Variants in LNX1 observed in about 807,000 individuals in gnomAD.
LNX1 encodes E3 ubiquitin-protein ligase LNX.
Under a neutral mutation model 68.4 loss-of-function variants are expected in LNX1, and 54 were observed. The ratio of observed to expected loss-of-function variants is 0.79; its 90% CI spans 0.63 to 0.99. The LOEUF is 0.99. Among genes scored for constraint, LNX1 ranks in the 50% least tolerant of loss-of-function variants. The probability of loss-of-function intolerance (pLI) is 0.00; values close to 1 mark genes in which losing one functional copy is unlikely to be tolerated. For synonymous variants in LNX1, 336 were observed against 350.0 expected, an observed-to-expected ratio of 0.96 and a Z score of 0.45; for missense variants, 906 against 926.4, an observed-to-expected ratio of 0.98 and a Z score of 0.29.
At chr4:53,551,344 A>G (rs1270144464) in intron 2 of LNX1, among the ~76,000 whole-genome samples, 2 of 152,168 alleles carry the variant, frequency 1.3e-5, no homozygotes, top group Non-Finnish European at 2.9e-5. Context: ...TCTCTCTAAA[A>G]TAATCATTGG....
chr4:53,643,085 C>CAGCT (rs1438750658), intron 1 of LNX1, among the ~76,000 whole-genome samples: 5 of 152,126 alleles, frequency 3.3e-5, no homozygotes, highest in African/African-American at 4.8e-5. Flanking sequence ...ATGCACAAGG[C>CAGCT]AGCTGCCCAC....
At chr4:53,463,957 A>AAAAT (rs1722432237) in intron 9 of LNX1, among the ~76,000 whole-genome samples, 1 of 152,144 alleles carries the variant, frequency 6.6e-6, no homozygotes, top group African/African-American at 2.4e-5. Context: ...CACTGTTTAG[A>AAAAT]AAATAATAAA....
chr4:53,497,186 G>A (rs1725128991), intron 5 of LNX1, among the ~76,000 whole-genome samples: 1 of 152,206 alleles, frequency 6.6e-6, no homozygotes. Flanking sequence ...ATGATGTGTA[G>A]GGCTGATACT....
chr4:53,490,799 T>C (rs1263785849), intron 6 of LNX1, among the ~76,000 whole-genome samples: 1 of 152,226 alleles, frequency 6.6e-6, no homozygotes, highest in Non-Finnish European at 1.5e-5. Flanking sequence ...CTCAGCCTGG[T>C]GTGTGTTACA....
At chr4:53,488,908 C>T (rs1265159087) in intron 6 of LNX1, among the ~76,000 whole-genome samples, 1 of 152,166 alleles carries the variant, frequency 6.6e-6, no homozygotes, top group African/African-American at 2.4e-5. Flanking sequence ...AACCCTTCCC[C>T]TTCCCTTCCT....
rs1451569419 is a variant in LNX1 at position 53,459,797 on chromosome 4, A to AAAC, written c.*1107_*1109dup. 4 of 317,120 alleles carry AAAC rather than the reference A, an allele frequency of 1.3e-5. No individual in the cohort carries two copies. In the East Asian group the frequency reaches 2.1e-4, roughly 17 times the overall value. The allele number at this position is 317,120 out of a possible 1,614,324, so 19.6% of individuals were successfully genotyped here. A position where few individuals can be genotyped will look rare whatever the true frequency, so the allele number is the denominator to read the frequency against. On this transcript the variant is annotated 3_prime_UTR_variant, in exon 11 of 11. Transcript: ENST00000263925. ...TTGGGCCACAGTTTTTTTGTTAATC[A>AAAC]AACACCACTCTCTTAAGAGGCTGCA... is the stretch of plus-strand genomic sequence containing the variant.
intron 2 of LNX1, among the ~76,000 whole-genome samples, chr4:53,559,017 T>A (rs4864795): frequency 6.6e-6 from 1 of 152,032 alleles, no homozygotes; most frequent in African/African-American, 2.4e-5. Context: ...TTCAAGAAGA[T>A]TAAATTCCAT....
upstream of LNX1, among the ~76,000 whole-genome samples, chr4:53,593,224 G>T (rs988953218): frequency 6.6e-5 from 10 of 151,876 alleles, no homozygotes; most frequent in African/African-American, 2.4e-4. Context: ...ACGCGGACAG[G>T]GTGTCCCCTG....
intron 6 of LNX1, among the ~76,000 whole-genome samples, chr4:53,487,250 C>T (rs749565892): frequency 1.4e-4 from 21 of 152,194 alleles, no homozygotes; most frequent in Non-Finnish European, 2.9e-4. Context: ...CATACAGTGA[C>T]TATGAGGGCC....
intron 1 of LNX1, among the ~76,000 whole-genome samples, chr4:53,577,307 C>G (rs1457298178): frequency 6.6e-6 from 1 of 152,200 alleles, no homozygotes; most frequent in Non-Finnish European, 1.5e-5. Flanking sequence ...CTGTAGTGTT[C>G]TGCCATATAG....
intron 1 of LNX1, among the ~76,000 whole-genome samples, chr4:53,633,539 G>A (rs183322529): frequency 2.7e-4 from 41 of 152,276 alleles, no homozygotes; most frequent in Non-Finnish European, 4.6e-4. Context: ...GCTGCCATGA[G>A]TTTATCAGTT....
chr4:53,625,344 ATAT>A (rs1734032579), intron 1 of LNX1, among the ~76,000 whole-genome samples: 1 of 152,242 alleles, frequency 6.6e-6, no homozygotes, highest in South Asian at 2.1e-4. Flanking sequence ...TATGTTCACA[ATAT>A]ATACAGAACT....
chr4:53,467,266 C>T (rs1218365259), intron 9 of LNX1, among the ~76,000 whole-genome samples: 1 of 152,164 alleles, frequency 6.6e-6, no homozygotes, highest in South Asian at 2.1e-4. Context: ...TCCAACAGAC[C>T]TGCAGCTGAG....
intron 6 of LNX1, among the ~76,000 whole-genome samples, chr4:53,488,586 T>C (rs921387798): frequency 2.0e-5 from 3 of 152,198 alleles, no homozygotes; most frequent in South Asian, 2.1e-4. Context: ...ACCTCATTAA[T>C]GGCGTTTCAA....
chr4:53,597,377 C>T (rs1732798415), intron 2 of LNX1, among the ~76,000 whole-genome samples: 1 of 152,164 alleles, frequency 6.6e-6, no homozygotes, highest in Non-Finnish European at 1.5e-5. Flanking sequence ...ATCTCTGATC[C>T]TTTGCAAGCA....
chr4:53,486,907 G>T (rs1724346028), intron 6 of LNX1, among the ~76,000 whole-genome samples: 1 of 149,910 alleles, frequency 6.7e-6, no homozygotes. Flanking sequence ...ACTAAGAGAA[G>T]AAAAACATAG....
At chr4:53,494,909 C>A (rs1197395699) in intron 6 of LNX1, among the ~76,000 whole-genome samples, 1 of 152,114 alleles carries the variant, frequency 6.6e-6, no homozygotes, top group Admixed American at 6.5e-5. Context: ...CCCCCAAGTC[C>A]GTATATGATT....
At chr4:53,601,368 G>C (rs1001179752) in intron 2 of LNX1, among the ~76,000 whole-genome samples, 1 of 152,046 alleles carries the variant, frequency 6.6e-6, no homozygotes, top group Non-Finnish European at 1.5e-5. Flanking sequence ...TCCCACTTTC[G>C]CTGAGTCTGC....
At chr4:53,600,557 CACTATT>C (rs1732954709) in intron 2 of LNX1, among the ~76,000 whole-genome samples, 1 of 151,988 alleles carries the variant, frequency 6.6e-6, no homozygotes, top group African/African-American at 2.4e-5. Context: ...GAAAACCACT[CACTATT>C]ACCAGAGAGA....
Sources: gnomAD v4.1 joint callset for allele counts (sites outside exome capture counted in the v4.1 genomes callset) on GRCh38, gnomAD v4.1.1 for gene constraint, MANE v1.5 for transcripts, NCBI Gene and HGNC (gene_info 2026-07-23, HGNC 2026-07-21) for gene names.